Variants in PITRM1 observed in about 807,000 individuals in gnomAD.
The protein encoded by PITRM1 is presequence protease, mitochondrial.
In PITRM1, 100 loss-of-function variants were observed where a neutral mutation model predicts 129.9. The ratio of observed to expected loss-of-function variants is 0.77; its 90% CI spans 0.65 to 0.91. The LOEUF is 0.91. Ranked by LOEUF, PITRM1 falls within the 40% of genes least tolerant of loss-of-function variation. The probability of loss-of-function intolerance (pLI) is 0.00; values close to 1 mark genes in which losing one functional copy is unlikely to be tolerated. For synonymous variants in PITRM1, 591 were observed against 508.8 expected (o/e 1.16, Z -2.17); for missense variants, 1,471 against 1,318.3 (o/e 1.12, Z -1.79).
intron 21 of PITRM1, chr10:3,144,890 A>T (rs1264205877): frequency 1.3e-5 from 2 of 152,760 alleles, no homozygotes; most frequent in East Asian, 3.8e-4. Context: ...GTCAAGGAAA[A>T]GGTAGCCTTG....
At chr10:3,166,032 G>A (rs529864118) in intron 4 of PITRM1, among the ~76,000 whole-genome samples, 197 bp downstream of exon 4, 74 of 152,220 alleles carry the variant, frequency 4.9e-4, no homozygotes, top group African/African-American at 1.8e-3. Context: ...TTCTTAAAAC[G>A]CTAGTTTTTA....
chr10:3,165,170 G>A (rs1383893447), intron 6 of PITRM1, 68 bp downstream of exon 6: 3 of 1,054,036 alleles, frequency 2.8e-6, no homozygotes, highest in Non-Finnish European at 4.1e-6. Context: ...TTCCAGATGT[G>A]TCTATATCAT....
intron 25 of PITRM1, 193 bp from the exon 26 acceptor site, chr10:3,138,530 C>A (rs1839826541): frequency 1.6e-6 from 1 of 616,342 alleles, no homozygotes. Context: ...TGACCCCTAC[C>A]CACGCCTGCT....
intron 6 of PITRM1, among the ~76,000 whole-genome samples, chr10:3,164,473 T>TTA (rs929234757): frequency 2.6e-5 from 4 of 152,138 alleles, no homozygotes; most frequent in African/African-American, 9.7e-5. Flanking sequence ...ATTAACCCAT[T>TTA]TATGCCTGAG....
In PITRM1 at chr10:3,150,744, A is replaced by G. The variant is rs990423722; in HGVS notation, c.1738+503T>C. 1.1e-4 allele frequency among the ~76,000 whole-genome samples: 17 copies of G among 152,212 alleles called. 1 individual carries two copies. Among genetic ancestry groups the G allele is most frequent in the Admixed American group, 5.9e-4 (9 of 15,280 alleles). The stretch of plus-strand genomic sequence containing the variant: ...ACCACGGAACAAAAGGTGCCATGGA[A>G]TGAAACGTGTCACGGAACAAAACGT... On this transcript the variant is annotated intron_variant, in intron 15 of 26. Coordinates refer to ENST00000224949, the MANE Select transcript of PITRM1 (RefSeq NM_014889.4).
At chr10:3,151,480 G>A (rs546978205) in intron 14 of PITRM1, 117 bp from the exon 15 acceptor site, 4 of 673,006 alleles carry the variant, frequency 5.9e-6, no homozygotes, top group South Asian at 5.2e-5. Context: ...CAAGTGTGGG[G>A]AGTACAGGAG....
intron 7 of PITRM1, among the ~76,000 whole-genome samples, chr10:3,160,636 G>A (rs988647469): frequency 1.3e-5 from 2 of 152,136 alleles, no homozygotes; most frequent in Non-Finnish European, 2.9e-5. Flanking sequence ...GCTATTCCTG[G>A]CTTCAGGCAT....
intron 22 of PITRM1, 120 bp from the exon 23 acceptor site, chr10:3,143,621 G>T: frequency 1.4e-6 from 1 of 738,744 alleles, no homozygotes; most frequent in Non-Finnish European, 2.5e-6. Flanking sequence ...ACGGCACTGG[G>T]ACTGGAGCCA....
chr10:3,158,189 C>G (rs748817142), intron 10 of PITRM1, 36 bp from the exon 11 acceptor site: 1 of 1,210,660 alleles, frequency 8.3e-7, no homozygotes, highest in African/African-American at 1.5e-5. Context: ...CACTGGAATC[C>G]GGGCACGTTC....
intron 19 of PITRM1, 65 bp downstream of exon 19, chr10:3,147,507 G>T (rs1841014349): frequency 1.3e-6 from 2 of 1,504,930 alleles, no homozygotes; most frequent in East Asian, 2.3e-5. Context: ...TATTCCCAAA[G>T]AAATTAGTAA....
chr10:3,155,689 T>C lies in PITRM1; in HGVS notation c.1523A>G (p.Asp508Gly), dbSNP rs1841919770. The C allele has an allele frequency of 1.9e-6, 3 of 1,613,828 alleles. No individual in the cohort carries two copies. Among genetic ancestry groups the C allele is most frequent in the Non-Finnish European group, 2.5e-6 (3 of 1,179,902 alleles). Residue 508 changes from aspartate to glycine, a missense_variant, in exon 14 of 27, where the codon GAC (aspartate) becomes GGC (glycine). By Grantham distance (94) the Asp-to-Gly change is moderately conservative. Coordinates refer to ENST00000224949, the MANE Select transcript of PITRM1 (RefSeq NM_014889.4). ...HKLTLSMRPD[D>G]KYHEKQAQVE... ...CTGTGCCTGCTTCTCGTGATACTTG[T>C]CATCTGGCCTCATCGATAAAGTCAG...
intron 13 of PITRM1, 133 bp from the exon 14 acceptor site, chr10:3,155,862 G>C (rs1841933953): frequency 1.0e-6 from 1 of 992,900 alleles, no homozygotes; most frequent in African/African-American, 1.6e-5. Flanking sequence ...AGTAATAATA[G>C]AACGCACCTC....
At chr10:3,146,714 A>T (rs1840910110) in intron 20 of PITRM1, 1 of 154,118 alleles carries the variant, frequency 6.5e-6, no homozygotes, top group South Asian at 2.0e-4. Context: ...GAAAATAAAC[A>T]ATCATTTTTA....
At chr10:3,139,826 G>A (rs1307508802) in intron 24 of PITRM1, among the ~76,000 whole-genome samples, 3 of 152,186 alleles carry the variant, frequency 2.0e-5, no homozygotes, top group African/African-American at 7.2e-5. Context: ...GCGGCCGGCT[G>A]GCTCCTTCTT....
chr10:3,143,375 C>G lies in PITRM1; in HGVS notation c.2645+14G>C, dbSNP rs376063873. Reference sequence around the variant, plus strand: ...AGGCTCAGGCCTGAGAGGTCCCGACCTACACCCTCCTACCTGGCATGATCT... The same window carrying G: ...AGGCTCAGGCCTGAGAGGTCCCGACGTACACCCTCCTACCTGGCATGATCT... On this transcript the variant is annotated intron_variant, in intron 23 of 26. Transcript: ENST00000224949. 5 of 1,546,018 alleles carry G rather than the reference C, an allele frequency of 3.2e-6. No homozygotes were observed. The African/African-American group carries it at 6.8e-5, about 21-fold the overall frequency.
In PITRM1 at chr10:3,166,391, A is replaced by AGAGGAATTGCACGCTAGGGAAGGC; in HGVS notation, c.267-12_267-11insGCCTTCCCTAGCGTGCAATTCCTC. 7.2e-7 allele frequency: 1 copy of AGAGGAATTGCACGCTAGGGAAGGC among 1,394,884 alleles called. No homozygotes were observed. The highest frequency in any genetic ancestry group is 1.0e-6 in the Non-Finnish European group (1 of 999,986). 86.4% of individuals were successfully genotyped at this position (1,394,884 alleles called of 1,614,324 possible). ...GTACGGAACTGCACGCTAGGGAAGGAGAATGACCAGAACGCAAAAGGTTCA... is the reference window on the plus strand; with the variant it reads ...GTACGGAACTGCACGCTAGGGAAGGAGAGGAATTGCACGCTAGGGAAGGCGAATGACCAGAACGCAAAAGGTTCA... On this transcript the variant is annotated splice_polypyrimidine_tract_variant and intron_variant, in intron 3 of 26. Transcript: ENST00000224949.
At chr10:3,160,447 C>T (rs566068664) in intron 7 of PITRM1, 117 bp from the exon 8 acceptor site, 26 of 799,888 alleles carry the variant, frequency 3.3e-5, no homozygotes, top group Middle Eastern at 3.4e-4. Flanking sequence ...TCTCGCCTTT[C>T]GGTTTCAGTC....
At chr10:3,154,566 TAAGA>T (rs942820258) in intron 14 of PITRM1, among the ~76,000 whole-genome samples, 2 of 152,238 alleles carry the variant, frequency 1.3e-5, no homozygotes, top group African/African-American at 4.8e-5. Context: ...TACATTTCCC[TAAGA>T]AAGTAATGAG....
chr10:3,156,786 T>C, intron 13 of PITRM1, 144 bp downstream of exon 13: 1 of 557,124 alleles, frequency 1.8e-6, no homozygotes, highest in Non-Finnish European at 3.0e-6. Context: ...ATTAAGTTAA[T>C]GTAAGCATTT....
Sources: allele counts gnomAD v4.1 joint callset (sites outside exome capture counted in the v4.1 genomes callset), GRCh38; gene constraint gnomAD v4.1.1; transcripts MANE v1.5; gene names NCBI Gene and HGNC (gene_info 2026-07-23, HGNC 2026-07-21).